The following PIK3C2G variants were observed in gnomAD, a reference collection of about 807,000 sequenced individuals.
PIK3C2G encodes the protein phosphatidylinositol 3-kinase C2 domain-containing subunit gamma.
A neutral mutation model predicts 181.1 loss-of-function variants in PIK3C2G; 168 were observed. The ratio of observed to expected loss-of-function variants is 0.93; its 90% confidence interval spans 0.82 to 1.05. PIK3C2G has a LOEUF of 1.05. Among genes scored for constraint, PIK3C2G ranks in the 50% least tolerant of loss-of-function variants. PIK3C2G has a pLI of 0.00. For missense variants in PIK3C2G, 1,869 were observed against 1,732.8 expected, an observed-to-expected ratio of 1.08 and a Z score of -1.40; for synonymous variants, 573 against 592.2, an observed-to-expected ratio of 0.97 and a Z score of 0.47.
At chr12:18,508,212 G>A (rs899224905) in intron 24 of PIK3C2G, among the ~76,000 whole-genome samples, 46 of 152,132 alleles carry the variant, frequency 3.0e-4, no homozygotes, top group African/African-American at 9.7e-4. Flanking sequence ...TTTTATGTCC[G>A]CTGGTGGCTC....
chr12:18,301,395 T>C (rs929869956), intron 5 of PIK3C2G, among the ~76,000 whole-genome samples: 3 of 152,152 alleles, frequency 2.0e-5, no homozygotes, highest in African/African-American at 4.8e-5. Flanking sequence ...GCTTTCTTTA[T>C]TTTGAAAATA....
At chr12:18,366,839 C>T (rs1941680935) in intron 12 of PIK3C2G, among the ~76,000 whole-genome samples, 2 of 150,824 alleles carry the variant, frequency 1.3e-5, no homozygotes, top group Admixed American at 6.6e-5. Flanking sequence ...AGTAGCTATA[C>T]AAAAGTTAAA....
At chr12:18,543,870 T>C (rs73064290) in intron 25 of PIK3C2G, among the ~76,000 whole-genome samples, 3,558 of 152,000 alleles carry the variant, frequency 0.023, 50 homozygotes, top group Middle Eastern at 0.054. Context: ...CAAAGTGCCG[T>C]GCTGTGCAAT....
chr12:18,628,900 G>C (rs139804743), intron 31 of PIK3C2G, among the ~76,000 whole-genome samples: 64 of 152,230 alleles, frequency 4.2e-4, no homozygotes, highest in Middle Eastern at 3.4e-3. Flanking sequence ...GAAGCCAGCT[G>C]AGGCAATGTA....
At chr12:18,713,099 C>T in the PIK3C2G span, 3 of 1,358,344 alleles carry the variant, frequency 2.2e-6, no homozygotes, top group Middle Eastern at 2.0e-4. Flanking sequence ...ATAAATGAGT[C>T]CATAAAACTC....
chr12:18,577,975 T>A (rs1376277742), intron 29 of PIK3C2G, among the ~76,000 whole-genome samples: 1 of 152,204 alleles, frequency 6.6e-6, no homozygotes. Flanking sequence ...TGCCTACATT[T>A]TATACTCTCT....
chr12:18,319,293 A>G (rs201446212), intron 6 of PIK3C2G, among the ~76,000 whole-genome samples: 3 of 152,292 alleles, frequency 2.0e-5, no homozygotes, highest in East Asian at 3.9e-4. Flanking sequence ...TCAGGGGAAC[A>G]TTCACGAACA....
At chr12:18,523,307 A>T (rs1943031296) in intron 24 of PIK3C2G, among the ~76,000 whole-genome samples, 1 of 151,922 alleles carries the variant, frequency 6.6e-6, no homozygotes, top group African/African-American at 2.4e-5. Context: ...ATTTTTTATA[A>T]TCCTTGTGTC....
At chr12:18,373,830 G>A (rs1225068324) in intron 13 of PIK3C2G, among the ~76,000 whole-genome samples, 1 of 151,956 alleles carries the variant, frequency 6.6e-6, no homozygotes, top group African/African-American at 2.4e-5. Flanking sequence ...TCCAGCCTGG[G>A]CGACAGAGCG....
intron 18 of PIK3C2G, among the ~76,000 whole-genome samples, chr12:18,429,446 G>A (rs1419721234): frequency 1.3e-5 from 2 of 152,150 alleles, no homozygotes; most frequent in Non-Finnish European, 2.9e-5. Context: ...TGCCTAGGAT[G>A]TCACATCATC....
At chr12:18,649,032 A>T (rs10841058), downstream of PIK3C2G, among the ~76,000 whole-genome samples, 3,199 of 152,164 alleles carry the variant, frequency 0.021, 128 homozygotes, top group African/African-American at 0.073. Flanking sequence ...TGAGTATGTG[A>T]TATGAGCTGA....
At chr12:18,286,478 TACA>T (rs1224110101) in intron 2 of PIK3C2G, among the ~76,000 whole-genome samples, 1 of 152,092 alleles carries the variant, frequency 6.6e-6, no homozygotes, top group Admixed American at 6.5e-5. Context: ...TGTGTATCAT[TACA>T]TAGAAGCCAC....
chr12:18,296,539 A>C (rs1949950565), intron 5 of PIK3C2G, among the ~76,000 whole-genome samples: 1 of 152,176 alleles, frequency 6.6e-6, no homozygotes, highest in African/African-American at 2.4e-5. Context: ...TAATCAACAA[A>C]GTAATAAAGA....
At chr12:18,442,809 A>G (rs989009265) in intron 18 of PIK3C2G, among the ~76,000 whole-genome samples, 1 of 152,138 alleles carries the variant, frequency 6.6e-6, no homozygotes, top group African/African-American at 2.4e-5. Flanking sequence ...ATACATTTTT[A>G]TATAGACTTG....
chr12:18,249,663 G>A (rs2136945936), intron 1 of PIK3C2G, among the ~76,000 whole-genome samples: 1 of 152,202 alleles, frequency 6.6e-6, no homozygotes, highest in Admixed American at 6.5e-5. Context: ...TCCAGATTTA[G>A]CCAAACAGTT....
chr12:18,332,144 C>T (rs1938040585), intron 8 of PIK3C2G, among the ~76,000 whole-genome samples: 1 of 152,082 alleles, frequency 6.6e-6, no homozygotes, highest in Non-Finnish European at 1.5e-5. Context: ...ATGCTGGCCT[C>T]ATAAAATATT....
intron 24 of PIK3C2G, among the ~76,000 whole-genome samples, chr12:18,506,961 T>G (rs1343082221): frequency 6.6e-6 from 1 of 152,162 alleles, no homozygotes; most frequent in Non-Finnish European, 1.5e-5. Context: ...TTTCTGTTAC[T>G]CTCAATACAT....
At chr12:18,381,744 G>T (rs1274260606) in intron 13 of PIK3C2G, 22 bp from the exon 14 acceptor site, 2 of 1,312,510 alleles carry the variant, frequency 1.5e-6, no homozygotes, top group Non-Finnish European at 2.2e-6. Flanking sequence ...CTGTCTGTGT[G>T]TGTGTGTGTT....
intron 31 of PIK3C2G, among the ~76,000 whole-genome samples, chr12:18,621,330 A>G (rs779149918): frequency 3.3e-5 from 5 of 152,000 alleles, no homozygotes; most frequent in Non-Finnish European, 7.4e-5. Context: ...TTACTTCTAC[A>G]TGTTATTAAA....
Sources: allele counts gnomAD v4.1 joint callset (sites outside exome capture counted in the v4.1 genomes callset), GRCh38; gene constraint gnomAD v4.1.1; transcripts MANE v1.5; gene names NCBI Gene and HGNC (gene_info 2026-07-23, HGNC 2026-07-21).